WASHC2A: variants seen among roughly 807,000 people sequenced by gnomAD.
WASHC2A encodes WASH complex subunit 2A, also known as WASH complex subunit FAM21A.
A neutral mutation model predicts 140.3 loss-of-function variants in WASHC2A; 82 were observed. The ratio of observed to expected loss-of-function variants is 0.58; its 90% CI spans 0.49 to 0.70. The LOEUF is 0.70. Among genes scored for constraint, WASHC2A ranks in the 30% least tolerant of loss-of-function variants. The probability of loss-of-function intolerance (pLI) is 0.00; values close to 1 mark genes in which losing one functional copy is unlikely to be tolerated. For missense variants in WASHC2A, 985 were observed against 1,521.8 expected, an observed-to-expected ratio of 0.65 and a Z score of 5.87; for synonymous variants, 340 against 560.8, an observed-to-expected ratio of 0.61 and a Z score of 5.56.
At chr10:50,101,237 TATGCTC>T (rs1250467254) in intron 17 of WASHC2A, among the ~76,000 whole-genome samples, 1 of 152,312 alleles carries the variant, frequency 6.6e-6, no homozygotes, top group African/African-American at 2.4e-5. Context: ...TCCACCGTCT[TATGCTC>T]ATGGATCCCA....
Position 50,109,992 on chromosome 10 carries a change from G to T in WASHC2A, c.1870-109G>T, listed in dbSNP as rs1842138159. On this transcript the variant is annotated intron_variant, in intron 19 of 30. Coordinates refer to ENST00000282633, the MANE Select transcript of WASHC2A (RefSeq NM_001005751.3). ...TCACCATGTTAGCAAGGATGGTCTT[G>T]ATCTGCTGATCTCGTGATTCACCCG... 13 of 1,160,136 alleles carry T rather than the reference G, an allele frequency of 1.1e-5. 1 individual carries two copies. In the East Asian group the frequency reaches 1.3e-4, roughly 11 times the overall value. 71.9% of individuals were successfully genotyped at this position (1,160,136 alleles called of 1,614,324 possible). A position where few individuals can be genotyped will look rare whatever the true frequency, so the allele number is the denominator to read the frequency against.
Position 50,132,843 on chromosome 10 carries a change from C to G in WASHC2A, c.3924C>G (p.Thr1308=), listed in dbSNP as rs77426668. ...CCTCTGGTATCCAGGCTAAGACAAC[C>G]AAACCAAAAAGCCGATCTGCACAGG... ...IFSSGIQAKT[T]KPKSRSAQAA... is the part of the protein sequence containing the mutation. The change falls in exon 31 of 31, where the codon ACC becomes ACG. Residue 1308 remains threonine (T), a synonymous_variant. Coordinates refer to ENST00000282633, the MANE Select transcript of WASHC2A (RefSeq NM_001005751.3). 1.7e-5 allele frequency: 27 copies of G among 1,611,852 alleles called. No individual in the cohort carries two copies. In the South Asian group the frequency reaches 2.9e-4, roughly 17 times the overall value.
At chr10:50,080,492 G>GTACCTC (rs1287829222) in intron 4 of WASHC2A, among the ~76,000 whole-genome samples, 14 of 133,356 alleles carry the variant, frequency 1.0e-4, no homozygotes, top group Non-Finnish European at 2.2e-4. Context: ...CACACTAGTT[G>GTACCTC]TACCTCTGCT....
chr10:50,071,499 G>A (rs1353305540), intron 3 of WASHC2A, among the ~76,000 whole-genome samples: 9 of 151,926 alleles, frequency 5.9e-5, no homozygotes, highest in African/African-American at 1.5e-4. Context: ...AAGAGACGGG[G>A]TTTCACCGAG....
intron 17 of WASHC2A, among the ~76,000 whole-genome samples, chr10:50,102,314 A>T (rs1436325020): frequency 6.6e-6 from 1 of 152,186 alleles, no homozygotes; most frequent in Non-Finnish European, 1.5e-5. Flanking sequence ...TGTGAGGCTG[A>T]AGCTTGCCCT....
chr10:50,106,719 G>A (rs1841821305), intron 19 of WASHC2A, among the ~76,000 whole-genome samples: 1 of 134,820 alleles, frequency 7.4e-6, no homozygotes, highest in Non-Finnish European at 1.7e-5. Flanking sequence ...AGTTAGGCCG[G>A]CTAGGGGGGA....
chr10:50,077,092 T>G (rs1484463880), intron 3 of WASHC2A, among the ~76,000 whole-genome samples: 28 of 137,330 alleles, frequency 2.0e-4, no homozygotes, highest in South Asian at 4.7e-4. Context: ...ACTCCAGCCT[T>G]GGCAACAGAG....
intron 19 of WASHC2A, among the ~76,000 whole-genome samples, chr10:50,108,900 A>G (rs1448126344): frequency 4.0e-5 from 6 of 150,796 alleles, no homozygotes; most frequent in African/African-American, 1.5e-4. Flanking sequence ...AAAAAAAAAA[A>G]AAAAAAAAAA....
At chr10:50,086,161 A>G (rs1314456331) in intron 7 of WASHC2A, among the ~76,000 whole-genome samples, 2 of 151,582 alleles carry the variant, frequency 1.3e-5, no homozygotes, top group African/African-American at 4.8e-5. Context: ...GTCCTCGAGT[A>G]TGGGATTTCC....
intron 2 of WASHC2A, among the ~76,000 whole-genome samples, chr10:50,069,272 C>T (rs1837575267): frequency 6.6e-6 from 1 of 150,810 alleles, no homozygotes; most frequent in South Asian, 2.1e-4. Context: ...TAAAAATACA[C>T]AAAATTAGTT....
intron 8 of WASHC2A, 107 bp downstream of exon 8, chr10:50,087,429 T>A (rs2669712): frequency 0.59 from 846,841 of 1,426,492 alleles, 252,771 homozygotes; most frequent in East Asian, 0.71. Flanking sequence ...GGATTTTTTC[T>A]TGTATACAAT....
chr10:50,099,443 G>T (rs1160254537), intron 16 of WASHC2A, among the ~76,000 whole-genome samples: 12 of 150,594 alleles, frequency 8.0e-5, no homozygotes, highest in Middle Eastern at 6.8e-3. Flanking sequence ...CTAATTTTTT[G>T]TGGAGACGGG....
chr10:50,129,331 A>G, intron 28 of WASHC2A, 88 bp from the exon 29 acceptor site: 1 of 1,608,916 alleles, frequency 6.2e-7, no homozygotes, highest in South Asian at 1.1e-5. Flanking sequence ...ATAACCTTAC[A>G]ATATTTTGAG....
At chr10:50,068,605 C>T (rs1366988338) in intron 2 of WASHC2A, among the ~76,000 whole-genome samples, 2 of 150,964 alleles carry the variant, frequency 1.3e-5, no homozygotes, top group African/African-American at 2.4e-5. Context: ...TTTTTCAAAT[C>T]GGGGGCCCAA....
chr10:50,097,574 T>C lies in WASHC2A; in HGVS notation c.1421-101T>C. 1.6e-5 allele frequency: 14 copies of C among 862,836 alleles called. No homozygotes were observed. In the South Asian group the frequency reaches 2.3e-4, roughly 14 times the overall value. 53.4% of individuals were successfully genotyped at this position (862,836 alleles called of 1,614,324 possible). A position where few individuals can be genotyped will look rare whatever the true frequency, so the allele number is the denominator to read the frequency against. ...TAACTAATCAAGAAACAACATAACT[T>C]TTTATGTTTATTCTTTGGGAGGGAA... On this transcript the variant is annotated intron_variant, in intron 15 of 30. Transcript: ENST00000282633.
chr10:50,089,039 A>G (rs1357152657), intron 8 of WASHC2A, among the ~76,000 whole-genome samples: 1 of 146,156 alleles, frequency 6.8e-6, no homozygotes, highest in African/African-American at 2.6e-5. Context: ...ATATTGGTTC[A>G]CTACAACCTC....
chr10:50,129,451 G>A lies in WASHC2A; in HGVS notation c.3120G>A (p.Pro1040=), dbSNP rs370231804. The A allele has an allele frequency of 1.4e-4, 221 of 1,611,952 alleles. No homozygotes were observed. The highest frequency in any genetic ancestry group is 8.0e-5 in the Non-Finnish European group (94 of 1,179,854). ...TCAAGATGAGAGGGAAGCGTAGACC[G>A]CAGACCCGTGCAGCTAGGCGGCTGG... ...SRVKMRGKRR[P]QTRAARRLAA... is the part of the protein sequence containing the mutation. Residue 1040 remains proline, a synonymous_variant, in exon 29 of 31, where the codon CCG becomes CCA. Coordinates refer to ENST00000282633, the MANE Select transcript of WASHC2A (RefSeq NM_001005751.3).
At chr10:50,092,377 G>C in intron 11 of WASHC2A, 144 bp downstream of exon 11, 3 of 1,534,298 alleles carry the variant, frequency 2.0e-6, no homozygotes, top group Middle Eastern at 2.4e-4. Flanking sequence ...AAGCCTCTGG[G>C]CTGGGCGCGG....
intron 4 of WASHC2A, among the ~76,000 whole-genome samples, chr10:50,079,539 G>A (rs1438747106): frequency 6.6e-6 from 1 of 152,192 alleles, no homozygotes; most frequent in African/African-American, 2.4e-5. Flanking sequence ...TGGGACTACA[G>A]GCGTGTGCCA....
Sources: gnomAD v4.1 joint callset for allele counts (sites outside exome capture counted in the v4.1 genomes callset) on GRCh38, gnomAD v4.1.1 for gene constraint, MANE v1.5 for transcripts, NCBI Gene and HGNC (gene_info 2026-07-23, HGNC 2026-07-21) for gene names.